Variants in PNCK observed in about 807,000 individuals in gnomAD.
PNCK encodes pregnancy up-regulated nonubiquitous CaM kinase, also known as calcium/calmodulin-dependent protein kinase type 1B.
PNCK carries 21 observed loss-of-function variants against 28.3 expected under a neutral mutation model. The observed-to-expected ratio is 0.74, with a 90% CI of 0.53 to 1.07. The LOEUF is 1.07. Among genes scored for constraint, PNCK ranks in the 50% least tolerant of loss-of-function variants. The probability of loss-of-function intolerance (pLI) is 0.00; values close to 1 mark genes in which losing one functional copy is unlikely to be tolerated. For missense variants in PNCK, 250 were observed against 298.3 expected, an observed-to-expected ratio of 0.84 and a Z score of 1.19; for synonymous variants, 136 against 125.2, an observed-to-expected ratio of 1.09 and a Z score of -0.58.
intron 11 of PNCK, 57 bp from the exon 12 acceptor site, chrX:153,670,187 T>A: frequency 2.4e-6 from 1 of 415,889 alleles, no homozygotes; most frequent in Non-Finnish European, 4.2e-6. Context: ...GCCAGCCCTG[T>A]GCCCCCACCC....
Position 153,672,708 on chromosome X carries a change from CG to C in PNCK, c.69-12del, listed in dbSNP as rs1400848899. On this transcript the variant is annotated splice_polypyrimidine_tract_variant and intron_variant, in intron 2 of 11. Coordinates refer to ENST00000340888, the MANE Select transcript of PNCK (RefSeq NM_001366977.1). Reference sequence around the variant, plus strand: ...TCGGAGAAGGCACCCCTGCCGCAGACGGGGCGGTGGGAGGTGGGAAGGAAGT... The same window carrying C: ...TCGGAGAAGGCACCCCTGCCGCAGACGGGCGGTGGGAGGTGGGAAGGAAGT... 7 of 1,193,900 alleles carry C rather than the reference CG, an allele frequency of 5.9e-6. No homozygotes were observed. Among genetic ancestry groups the C allele is most frequent in the Non-Finnish European group, 6.7e-6 (6 of 890,165 alleles).
rs782175890 is a variant in PNCK, at chrX:153,671,952, G to T, written c.342C>A (p.Ser114Arg). ...ERGSYTEKDA[S>R]HLVGQVLGAV... Reference sequence around the variant, plus strand: ...CGCCAAGGACCTGACCCACCAGATGGCTGGCATCCTTCTCTGTGTAGGAGC... The same window carrying T: ...CGCCAAGGACCTGACCCACCAGATGTCTGGCATCCTTCTCTGTGTAGGAGC... Residue 114 changes from serine to arginine, a missense_variant, in exon 5 of 12, where the codon AGC (serine) becomes AGA (arginine). By Grantham distance (110) the Ser-to-Arg change is moderately radical. Transcript: ENST00000340888. The T allele has an allele frequency of 8.3e-7, 1 of 1,210,768 alleles. No individual in the cohort carries two copies. The highest frequency in any genetic ancestry group is 3.0e-5 in the East Asian group (1 of 33,850).
At chrX:153,683,640 C>T (rs932085647) in intron 1 of PNCK, among the ~76,000 whole-genome samples, 4 of 111,574 alleles carry the variant, frequency 3.6e-5, no homozygotes, top group African/African-American at 1.3e-4. Flanking sequence ...GTGACCCACC[C>T]GCCTGGGCCT....
rs782228103 is a variant in PNCK, at chrX:153,673,102, T to C, written c.-2-24A>G. 5 of 1,165,737 alleles carry C rather than the reference T, an allele frequency of 4.3e-6. No individual in the cohort carries two copies. The Admixed American group carries it at 9.4e-5, about 22-fold the overall frequency. ...GTCTGCAGGGGCAGGGGAGAGGTGA[T>C]GGGGGTCTCTCCCCGCCCCGCCGGG... On this transcript the variant is annotated intron_variant, in intron 1 of 11. Transcript: ENST00000340888.
intron 10 of PNCK, 58 bp downstream of exon 10, chrX:153,670,686 G>A (rs868936698): frequency 6.4e-5 from 76 of 1,188,280 alleles, no homozygotes; most frequent in African/African-American, 2.6e-4. Context: ...CAGCCACGGC[G>A]ATCAGGCTAC....
At chrX:153,670,897 C>T in intron 9 of PNCK, 21 bp downstream of exon 9, 1 of 1,212,022 alleles carries the variant, frequency 8.3e-7, no homozygotes, top group South Asian at 1.8e-5. Flanking sequence ...CCTGGGGCAG[C>T]TCAGCAGGGC....
upstream of PNCK, chrX:153,673,912 G>T: frequency 1.1e-6 from 1 of 944,314 alleles, no homozygotes; most frequent in Non-Finnish European, 1.3e-6. Context: ...CAGCGCGGCC[G>T]CGGCGCCGCA....
In PNCK at chrX:153,670,563, T is replaced by C; in HGVS notation, c.926A>G (p.His309Arg). The C allele has an allele frequency of 8.3e-7, 1 of 1,210,485 alleles. No homozygotes were observed. The highest frequency in any genetic ancestry group is 1.1e-6 in the Non-Finnish European group (1 of 895,209). The change falls in exon 11 of 12, where the codon CAC (histidine) becomes CGC (arginine). Residue 309 changes from histidine (H) to arginine (R), a missense_variant. His to Arg is a conservative substitution (Grantham distance 29). Transcript: ENST00000340888. ...RAFNATSFLR[H>R]IRKLGQIPEG... ...TGGGATCTGCCCCAGCTTCCGGATGTGGCGCAGGAACGAGGTGGCATTGAA... is the reference window on the plus strand; with the variant it reads ...TGGGATCTGCCCCAGCTTCCGGATGCGGCGCAGGAACGAGGTGGCATTGAA...
intron 1 of PNCK, among the ~76,000 whole-genome samples, chrX:153,684,026 C>T (rs2091406461): frequency 8.9e-6 from 1 of 112,508 alleles, no homozygotes; most frequent in Admixed American, 9.4e-5. Context: ...ATTCAGGCCC[C>T]TCTCATCCTC....
chrX:153,671,459 A>C, intron 6 of PNCK, 90 bp downstream of exon 6: 1 of 1,211,318 alleles, frequency 8.3e-7, no homozygotes, highest in Non-Finnish European at 1.1e-6. Flanking sequence ...AATGGCCCAC[A>C]CAAAGGCAAC....
intron 2 of PNCK, 75 bp from the exon 3 acceptor site, chrX:153,672,772 C>T (rs1327520379): frequency 2.0e-5 from 22 of 1,090,822 alleles, no homozygotes; most frequent in Middle Eastern, 5.0e-4. Flanking sequence ...GAGAGTGGAG[C>T]GGGGAGGGCC....
rs782118737 is a variant in PNCK, at chrX:153,671,026, A to G, written c.728-30T>C. The G allele has an allele frequency of 1.6e-6, 2 of 1,212,138 alleles. 1 individual carries two copies. The highest frequency in any genetic ancestry group is 3.5e-5 in the South Asian group (2 of 57,027). ...AACAGGGAGGCTGGGTCAGCCTGTC[A>G]GGTCCCCACTCCCTTGCATCACCTC... On this transcript the variant is annotated intron_variant, in intron 8 of 11. Transcript: ENST00000340888.
chrX:153,674,270 T>C, upstream of PNCK: 1 of 1,077,531 alleles, frequency 9.3e-7, no homozygotes, highest in Non-Finnish European at 1.2e-6. Flanking sequence ...CATTAATCCC[T>C]CACCCTCGCT....
Position 153,670,097 on chromosome X carries a change from T to C in PNCK, c.*41A>G. ...ACCGAAAGCATCCAAGGGAAGGAAATCTGGGGGTCAGTCCACTTGGCCTCG... is the reference window on the plus strand; with the variant it reads ...ACCGAAAGCATCCAAGGGAAGGAAACCTGGGGGTCAGTCCACTTGGCCTCG... On this transcript the variant is annotated 3_prime_UTR_variant, in exon 12 of 12. Transcript: ENST00000340888. The C allele has an allele frequency of 3.3e-6, 1 of 298,793 alleles. No homozygotes were observed. The highest frequency in any genetic ancestry group is 4.9e-5 in the Admixed American group (1 of 20,613). The allele number at this position is 298,793 out of a possible 1,213,427, so 24.6% of individuals were successfully genotyped here.
At chrX:153,677,661 G>GTA (rs200669416), upstream of PNCK, among the ~76,000 whole-genome samples, 12 of 79,326 alleles carry the variant, frequency 1.5e-4, no homozygotes, top group Admixed American at 8.9e-4. Context: ...TATATAGTGT[G>GTA]TATATATATA....
intron 1 of PNCK, among the ~76,000 whole-genome samples, chrX:153,684,642 G>A (rs1397036081): frequency 9.0e-6 from 1 of 111,084 alleles, no homozygotes; most frequent in Admixed American, 9.4e-5. Flanking sequence ...TTCAGAAGAG[G>A]AGGCGCCCCC....
chrX:153,686,858 A>G (rs1377516723), intron 1 of PNCK: 1 of 112,494 alleles, frequency 8.9e-6, no homozygotes, highest in East Asian at 2.8e-4. Context: ...AGCAAGCTCA[A>G]TCTGGCTTGG....
upstream of PNCK, among the ~76,000 whole-genome samples, chrX:153,677,736 ATAGTGTGTATATATAGT>A (rs2091376228): frequency 2.5e-5 from 2 of 81,396 alleles, no homozygotes; most frequent in African/African-American, 1.0e-4. Context: ...TAGTGTATAT[ATAGTGTGTATATATAGT>A]GTGTATATAT....
chrX:153,675,435 G>C (rs1200797758), upstream of PNCK, among the ~76,000 whole-genome samples: 1 of 112,094 alleles, frequency 8.9e-6, no homozygotes, highest in Non-Finnish European at 1.9e-5. Flanking sequence ...GCAGGTATTG[G>C]TCCACGAGGT....
Sources: gnomAD v4.1 joint callset for allele counts (sites outside exome capture counted in the v4.1 genomes callset) on GRCh38, gnomAD v4.1.1 for gene constraint, MANE v1.5 for transcripts, NCBI Gene and HGNC (gene_info 2026-07-23, HGNC 2026-07-21) for gene names.